PACRG: variants seen among roughly 807,000 people sequenced by gnomAD.
PACRG encodes the protein parkin coregulated gene protein.
In PACRG, 29 loss-of-function variants were observed where a neutral mutation model predicts 29.7. That is an observed-to-expected ratio of 0.98 (90% CI 0.73 to 1.33). The LOEUF (loss-of-function observed/expected upper bound fraction) is 1.33. Among genes scored for constraint, PACRG ranks in the 40% most tolerant of loss-of-function variants. The probability of loss-of-function intolerance (pLI) is 0.00; values close to 1 mark genes in which losing one functional copy is unlikely to be tolerated. For missense variants in PACRG, 279 were observed against 316.2 expected (o/e 0.88, Z 0.89); for synonymous variants, 116 against 118.7 (o/e 0.98, Z 0.15).
At chr6:163,193,637 TTATTTTTATTAAATAAAAAA>T (rs1780317331) in intron 4 of PACRG, among the ~76,000 whole-genome samples, 1 of 152,164 alleles carries the variant, frequency 6.6e-6, no homozygotes, top group African/African-American at 2.4e-5. Flanking sequence ...CTTTCTTTCT[TTATTTTTATTAAATAAAAAA>T]TATTTTTATT....
At chr6:162,788,302 A>G (rs7452149) in intron 1 of PACRG, among the ~76,000 whole-genome samples, 39,246 of 152,060 alleles carry the variant, frequency 0.26, 5,990 homozygotes, top group East Asian at 0.48. Context: ...AGCTAGTCAT[A>G]TGCATTTAAG....
At chr6:162,727,322 G>GGGC (rs1334613875), upstream of PACRG, 3 of 383,224 alleles carry the variant, frequency 7.8e-6, no homozygotes, top group Non-Finnish European at 1.4e-5. Context: ...CGAAGGTGAG[G>GGGC]GGCGGCGGCG....
chr6:162,804,927 G>A (rs929076532), intron 1 of PACRG, among the ~76,000 whole-genome samples: 1 of 152,168 alleles, frequency 6.6e-6, no homozygotes, highest in African/African-American at 2.4e-5. Flanking sequence ...CACAAACTTA[G>A]ATGGTATTGC....
chr6:162,799,680 G>T (rs1785690553), intron 1 of PACRG, among the ~76,000 whole-genome samples: 1 of 151,574 alleles, frequency 6.6e-6, no homozygotes, highest in African/African-American at 2.4e-5. Flanking sequence ...ACAGTTCTAA[G>T]AATTGTTTTC....
At chr6:162,764,422 A>G (rs1330684857) in intron 1 of PACRG, among the ~76,000 whole-genome samples, 1 of 152,192 alleles carries the variant, frequency 6.6e-6, no homozygotes, top group Non-Finnish European at 1.5e-5. Context: ...CTGAATCAAC[A>G]CAAATTTAAA....
intron 2 of PACRG, among the ~76,000 whole-genome samples, chr6:162,998,572 A>G (rs1306770450): frequency 6.6e-6 from 1 of 152,168 alleles, no homozygotes; most frequent in African/African-American, 2.4e-5. Context: ...TCCCTCTAGC[A>G]TGGTGTTCTT....
chr6:163,070,223 A>G (rs1216491933), intron 3 of PACRG, among the ~76,000 whole-genome samples: 1 of 152,150 alleles, frequency 6.6e-6, no homozygotes, highest in African/African-American at 2.4e-5. Flanking sequence ...ATCTGAAGGA[A>G]CAGAACTCAC....
At chr6:162,758,140 G>C (rs1009489799) in intron 1 of PACRG, among the ~76,000 whole-genome samples, 1 of 152,134 alleles carries the variant, frequency 6.6e-6, no homozygotes, top group South Asian at 2.1e-4. Context: ...ATAGTGGCTT[G>C]GGTGTCCAAA....
chr6:162,733,219 T>A (rs991224774), intron 1 of PACRG, among the ~76,000 whole-genome samples: 16 of 152,220 alleles, frequency 1.1e-4, no homozygotes, highest in African/African-American at 3.9e-4. Flanking sequence ...GAAGACTTCT[T>A]TAATTCTCCC....
chr6:162,840,253 A>T (rs1400175124), intron 2 of PACRG, among the ~76,000 whole-genome samples: 1 of 97,930 alleles, frequency 1.0e-5, no homozygotes, highest in African/African-American at 4.2e-5. Context: ...ATTTGTTTGT[A>T]TCCTCTTTTA....
intron 2 of PACRG, among the ~76,000 whole-genome samples, chr6:162,992,942 C>T (rs934962346): frequency 2.0e-5 from 3 of 151,916 alleles, no homozygotes; most frequent in Non-Finnish European, 4.4e-5. Context: ...TATGTTGTGT[C>T]TCTGTTCTCG....
chr6:162,812,050 A>C (rs2128358351), intron 1 of PACRG, among the ~76,000 whole-genome samples: 1 of 152,196 alleles, frequency 6.6e-6, no homozygotes, highest in Admixed American at 6.5e-5. Flanking sequence ...AAATTATAGA[A>C]ATGAAGAGGA....
intron 3 of PACRG, among the ~76,000 whole-genome samples, chr6:163,082,793 G>A (rs2128293269): frequency 6.6e-6 from 1 of 152,104 alleles, no homozygotes; most frequent in African/African-American, 2.4e-5. Flanking sequence ...TTTTCATTGT[G>A]TGGATATACT....
chr6:163,132,281 A>G (rs520929), intron 4 of PACRG, among the ~76,000 whole-genome samples: 126,897 of 152,168 alleles, frequency 0.83, 53,050 homozygotes, highest in African/African-American at 0.89. Context: ...CTTTGAATTT[A>G]CTCATCAGTA....
At chr6:163,012,530 C>T (rs922944942) in intron 2 of PACRG, among the ~76,000 whole-genome samples, 3 of 152,362 alleles carry the variant, frequency 2.0e-5, no homozygotes, top group African/African-American at 7.2e-5. Context: ...GAATCTGCTG[C>T]ACACCAGGGC....
At chr6:163,232,807 C>T (rs867607614) in intron 4 of PACRG, among the ~76,000 whole-genome samples, 11 of 152,304 alleles carry the variant, frequency 7.2e-5, no homozygotes, top group African/African-American at 1.7e-4. Context: ...GTAAAGAGCA[C>T]GCCTCACCTA....
intron 4 of PACRG, among the ~76,000 whole-genome samples, chr6:163,259,198 C>T (rs745523639): frequency 1.2e-4 from 19 of 152,294 alleles, no homozygotes; most frequent in East Asian, 3.9e-4. Flanking sequence ...CTCCTTTCAA[C>T]GTGCCACACT....
At chr6:163,150,800 G>A (rs1282181253) in intron 4 of PACRG, among the ~76,000 whole-genome samples, 2 of 152,182 alleles carry the variant, frequency 1.3e-5, no homozygotes, top group Non-Finnish European at 2.9e-5. Flanking sequence ...ACTGAAAGGC[G>A]AGCAGTAGGT....
chr6:162,858,073 C>T (rs142216917), intron 2 of PACRG, among the ~76,000 whole-genome samples: 69 of 152,276 alleles, frequency 4.5e-4, no homozygotes, highest in South Asian at 1.4e-3. Flanking sequence ...CTTGAATATT[C>T]GGTGAATGTT....
Sources: gnomAD v4.1 joint callset for allele counts (sites outside exome capture counted in the v4.1 genomes callset) on GRCh38, gnomAD v4.1.1 for gene constraint, MANE v1.5 for transcripts, NCBI Gene and HGNC (gene_info 2026-07-23, HGNC 2026-07-21) for gene names.